The following PCDH15 variants were observed in gnomAD, a reference collection of about 807,000 sequenced individuals.
PCDH15 encodes the protein protocadherin related 15, also known as protocadherin-15.
Under a neutral mutation model 178.5 loss-of-function variants are expected in PCDH15, and 129 were observed. The observed-to-expected ratio is 0.72, with a 90% CI of 0.63 to 0.84. The LOEUF (loss-of-function observed/expected upper bound fraction) is 0.84, where lower values mean the gene tolerates loss of function less well. Among genes scored for constraint, PCDH15 ranks in the 40% least tolerant of loss-of-function variants. PCDH15 has a pLI of 0.00. For synonymous variants in PCDH15, 800 were observed against 732.0 expected (o/e 1.09, Z -1.50); for missense variants, 2,230 against 2,099.9 (o/e 1.06, Z -1.21).
At chr10:55,350,181 C>T (rs1844872634) in intron 2 of PCDH15, among the ~76,000 whole-genome samples, 1 of 146,798 alleles carries the variant, frequency 6.8e-6, no homozygotes, top group Admixed American at 6.9e-5. Flanking sequence ...AATGCATTCA[C>T]ACACAGGTGT....
chr10:54,559,719 T>C (rs1275703104), intron 2 of PCDH15, among the ~76,000 whole-genome samples: 1 of 151,902 alleles, frequency 6.6e-6, no homozygotes, highest in Admixed American at 6.6e-5. Context: ...ACCTTAATGA[T>C]GACCTCTTCT....
intron 3 of PCDH15, among the ~76,000 whole-genome samples, chr10:54,391,334 A>G (rs1333020134): frequency 2.0e-5 from 3 of 152,022 alleles, no homozygotes; most frequent in African/African-American, 7.3e-5. Context: ...GAGTTTATGC[A>G]TGGATCCTTA....
At chr10:55,269,567 C>G (rs1362651698) in intron 1 of PCDH15, among the ~76,000 whole-genome samples, 8 of 151,894 alleles carry the variant, frequency 5.3e-5, no homozygotes, top group African/African-American at 1.9e-4. Flanking sequence ...AGAAATACAG[C>G]TAACCAAGGA....
At chr10:54,344,920 A>G (rs538496929) in intron 6 of PCDH15, among the ~76,000 whole-genome samples, 93 of 145,244 alleles carry the variant, frequency 6.4e-4, no homozygotes, top group African/African-American at 2.1e-3. Flanking sequence ...AAAAAAAAAA[A>G]AAAAAACAAG....
chr10:54,355,091 C>T (rs919330719), intron 5 of PCDH15, among the ~76,000 whole-genome samples: 4 of 101,668 alleles, frequency 3.9e-5, no homozygotes, highest in Admixed American at 2.9e-4. Flanking sequence ...TCACTATTTC[C>T]AAAGCGTATT....
intron 11 of PCDH15, among the ~76,000 whole-genome samples, chr10:54,193,193 T>C (rs2049208195): frequency 6.6e-6 from 1 of 152,232 alleles, no homozygotes; most frequent in African/African-American, 2.4e-5. Flanking sequence ...TGAGTACTAC[T>C]GTCTTTTACA....
intron 2 of PCDH15, among the ~76,000 whole-genome samples, chr10:55,370,936 A>G (rs1360015564): frequency 6.6e-6 from 1 of 152,144 alleles, no homozygotes; most frequent in Non-Finnish European, 1.5e-5. Flanking sequence ...AATGGCCTGT[A>G]ACTTTGAGGT....
chr10:54,181,541 C>G (rs2047986917), intron 13 of PCDH15, among the ~76,000 whole-genome samples: 1 of 151,982 alleles, frequency 6.6e-6, no homozygotes, highest in African/African-American at 2.4e-5. Flanking sequence ...GTCTCTTCTC[C>G]CTCTCTCCCT....
At position 54,431,055 on chromosome 10, in the gene PCDH15, ACG is replaced by A. The variant is rs1438603512; in HGVS notation, c.158-52115_158-52114del. On this transcript the variant is annotated intron_variant, in intron 3 of 37. Coordinates refer to ENST00000644397, the MANE Select transcript of PCDH15 (RefSeq NM_001384140.1). ...AGACACATACAAGCTACCAGAATAG[ACG>A]CAAGAAGAAATAAAAAAACTGAACA... Among the ~76,000 whole-genome samples the A allele has an allele frequency of 3.3e-5, 5 of 152,266 alleles. No individual in the cohort carries two copies. In the East Asian group the frequency reaches 9.6e-4, roughly 29 times the overall value.
chr10:55,137,133 A>G (rs1838216056), intron 2 of PCDH15, among the ~76,000 whole-genome samples: 1 of 152,180 alleles, frequency 6.6e-6, no homozygotes. Flanking sequence ...ATTTTTATAG[A>G]TATCTTTACA....
At chr10:55,011,995 A>T (rs1840057744) in intron 2 of PCDH15, among the ~76,000 whole-genome samples, 1 of 152,084 alleles carries the variant, frequency 6.6e-6, no homozygotes, top group South Asian at 2.1e-4. Flanking sequence ...CAACAGGAAG[A>T]GCCAATTAAA....
intron 2 of PCDH15, among the ~76,000 whole-genome samples, chr10:54,575,963 T>C (rs74136216): frequency 0.027 from 4,155 of 152,318 alleles, 177 homozygotes; most frequent in African/African-American, 0.095. Flanking sequence ...ACAACATGTC[T>C]TCAGGAACTA....
At chr10:55,580,297 C>T (rs180716032) in intron 2 of PCDH15, among the ~76,000 whole-genome samples, 5 of 152,004 alleles carry the variant, frequency 3.3e-5, no homozygotes, top group African/African-American at 1.2e-4. Flanking sequence ...TCATATAACT[C>T]ACCCATATCC....
At chr10:54,660,947 G>GA (rs2094480651) in intron 2 of PCDH15, among the ~76,000 whole-genome samples, 5 of 151,774 alleles carry the variant, frequency 3.3e-5, no homozygotes, top group South Asian at 2.1e-4. Flanking sequence ...ACTAGGCATT[G>GA]AAAAAAACAT....
chr10:53,938,435 A>C (rs2085763745), intron 25 of PCDH15, among the ~76,000 whole-genome samples: 1 of 152,168 alleles, frequency 6.6e-6, no homozygotes, highest in Admixed American at 6.6e-5. Flanking sequence ...CGAAGAAAAT[A>C]TGTAAATACA....
chr10:54,708,809 C>G (rs907626306), intron 1 of PCDH15, among the ~76,000 whole-genome samples: 1 of 132,672 alleles, frequency 7.5e-6, no homozygotes, highest in African/African-American at 2.8e-5. Flanking sequence ...TGTGCGCGCG[C>G]GTGCGTGTGG....
In PCDH15 at chr10:54,369,226, T is replaced by C. The variant is rs757563938; in HGVS notation, c.368A>G (p.Lys123Arg). Residue 123 changes from lysine (K) to arginine (R), a missense_variant, in exon 5 of 38, where the codon AAA becomes AGA. By Grantham distance (26) the Lys-to-Arg change is conservative (BLOSUM62 2). Transcript: ENST00000644397. ...ATGGTAGATAATAGTGCCCACTTTT[T>C]TGTTGATGCACTGGACCTGCACCAC... Reference protein sequence around the residue: ...SIVVQVQCINKKVGTIIYHEV... With the variant: ...SIVVQVQCINRKVGTIIYHEV... 2 of 1,612,872 alleles carry C rather than the reference T, an allele frequency of 1.2e-6. No homozygotes were observed. Among genetic ancestry groups the C allele is most frequent in the African/African-American group, 1.3e-5 (1 of 74,854 alleles).
At chr10:55,019,103 T>C in intron 2 of PCDH15, among the ~76,000 whole-genome samples, 1 of 152,158 alleles carries the variant, frequency 6.6e-6, no homozygotes, top group East Asian at 1.9e-4. Flanking sequence ...TTTTTTATTA[T>C]AATATTACAT....
At chr10:55,214,034 A>G (rs117417471) in intron 1 of PCDH15, among the ~76,000 whole-genome samples, 5,856 of 152,018 alleles carry the variant, frequency 0.039, 170 homozygotes, top group Non-Finnish European at 0.055. Context: ...AATTATTTAG[A>G]AGTTTATTCC....
Sources: allele counts gnomAD v4.1 joint callset (sites outside exome capture counted in the v4.1 genomes callset), GRCh38; gene constraint gnomAD v4.1.1; transcripts MANE v1.5; gene names NCBI Gene and HGNC (gene_info 2026-07-23, HGNC 2026-07-21).